Variants in SETBP1 observed in about 807,000 individuals in gnomAD.
SETBP1 encodes the protein SET-binding protein.
A neutral mutation model predicts 101.0 loss-of-function variants in SETBP1; 9 were observed. The ratio of observed to expected loss-of-function variants is 0.09; its 90% CI spans 0.05 to 0.16. The LOEUF is 0.16. Ranked by LOEUF, SETBP1 falls within the 10% of genes least tolerant of loss-of-function variation. The pLI, the probability that SETBP1 is intolerant of heterozygous loss-of-function variation, is 1.00. For synonymous variants in SETBP1, 818 were observed against 788.5 expected (o/e 1.04, Z -0.63); for missense variants, 1,858 against 2,033.8 (o/e 0.91, Z 1.66).
At chr18:44,867,026 A>G (rs1335750249) in intron 2 of SETBP1, among the ~76,000 whole-genome samples, 1 of 152,230 alleles carries the variant, frequency 6.6e-6, no homozygotes, top group Non-Finnish European at 1.5e-5. Context: ...AGGAAAAAGC[A>G]TGAGCTTTGG....
intron 2 of SETBP1, among the ~76,000 whole-genome samples, chr18:44,788,362 T>A (rs1026393984): frequency 6.6e-6 from 1 of 152,166 alleles, no homozygotes; most frequent in Admixed American, 6.5e-5. Context: ...CATTTGCAAA[T>A]TAATATGTCA....
chr18:44,770,208 T>C (rs1301922409), intron 2 of SETBP1, among the ~76,000 whole-genome samples: 3 of 152,276 alleles, frequency 2.0e-5, no homozygotes, highest in East Asian at 3.9e-4. Context: ...GTGGAAGCAA[T>C]TGAAAAGAGA....
rs554199948 is a variant in SETBP1 at position 44,820,024 on chromosome 18, G to A, written c.487-49206G>A. Among the ~76,000 whole-genome samples the A allele has an allele frequency of 4.6e-5, 7 of 152,352 alleles. No homozygotes were observed. The South Asian group carries it at 1.4e-3, about 32-fold the overall frequency. ...TGGAAGGAACAGACAACTGGAAGTTGTACTAGGCTTGCCTGTCCTGGCAGC... is the reference window on the plus strand; with the variant it reads ...TGGAAGGAACAGACAACTGGAAGTTATACTAGGCTTGCCTGTCCTGGCAGC... On this transcript the variant is annotated intron_variant, in intron 2 of 5. Coordinates refer to ENST00000649279, the MANE Select transcript of SETBP1 (RefSeq NM_015559.3).
chr18:45,020,097 T>C (rs932793029), intron 4 of SETBP1, among the ~76,000 whole-genome samples: 3 of 151,710 alleles, frequency 2.0e-5, no homozygotes, highest in East Asian at 3.9e-4. Context: ...ATATAATCGT[T>C]TGGTCTTCAG....
At chr18:44,833,815 A>G (rs985064374) in intron 2 of SETBP1, among the ~76,000 whole-genome samples, 1 of 152,246 alleles carries the variant, frequency 6.6e-6, no homozygotes, top group Non-Finnish European at 1.5e-5. Context: ...GGAAAAGATA[A>G]AGGATCTTTT....
At position 44,950,722 on chromosome 18, in the gene SETBP1, A is replaced by G. The variant is rs777352992; in HGVS notation, c.1382A>G (p.Asp461Gly). 13 of 1,614,004 alleles carry G rather than the reference A, an allele frequency of 8.1e-6. No individual in the cohort carries two copies. The Admixed American group carries it at 2.2e-4, about 27-fold the overall frequency. Residue 461 changes from aspartate (D) to glycine (G), a missense_variant, in exon 4 of 6, where the codon GAT (aspartate) becomes GGT (glycine). Coordinates refer to ENST00000649279, the MANE Select transcript of SETBP1 (RefSeq NM_015559.3). The stretch of plus-strand genomic sequence containing the variant: ...TCCAACTCTGAGGGGAATAAGAAGG[A>G]TCCCCGTGTCCCTAAGTTGAGTAAA... ...ILSNSEGNKK[D>G]PRVPKLSKMI...
At chr18:44,866,397 G>T (rs1419038271) in intron 2 of SETBP1, among the ~76,000 whole-genome samples, 3 of 152,164 alleles carry the variant, frequency 2.0e-5, no homozygotes, top group African/African-American at 7.2e-5. Context: ...TCACCTCTGG[G>T]CTGACAATAT....
chr18:44,967,318 G>A (rs934067843), intron 4 of SETBP1, among the ~76,000 whole-genome samples: 4 of 152,310 alleles, frequency 2.6e-5, no homozygotes, highest in South Asian at 2.1e-4. Flanking sequence ...CCTTGGCATC[G>A]GGACTGTCAC....
chr18:45,007,207 A>G (rs942940171), intron 4 of SETBP1, among the ~76,000 whole-genome samples: 1 of 152,146 alleles, frequency 6.6e-6, no homozygotes, highest in Non-Finnish European at 1.5e-5. Flanking sequence ...TCAGTTTCCA[A>G]TTCCAGCCAC....
At chr18:44,814,521 A>G (rs2071934961) in intron 2 of SETBP1, among the ~76,000 whole-genome samples, 1 of 152,254 alleles carries the variant, frequency 6.6e-6, no homozygotes, top group African/African-American at 2.4e-5. Flanking sequence ...AATGACGGCA[A>G]ATTTTAGGTG....
chr18:44,952,645 A>G lies in SETBP1; in HGVS notation c.3305A>G (p.Lys1102Arg). 1.2e-6 allele frequency: 2 copies of G among 1,613,964 alleles called. No individual in the cohort carries two copies. Among genetic ancestry groups the G allele is most frequent in the Non-Finnish European group, 1.7e-6 (2 of 1,179,890 alleles). Residue 1102 changes from lysine to arginine, a missense_variant, in exon 4 of 6, where the codon AAG becomes AGG. Around this residue, in one of 12 missense-constraint regions of SETBP1, gnomAD observed 255 missense variants for 300.1 expected, o/e 0.85. Transcript: ENST00000649279. ...PPQFHTNSHV[K>R]MSGAAKHKAK... ...CAGTTCCACACAAACTCCCACGTAAAGATGTCCGGTGCAGCTAAGCATAAA... is the reference window on the plus strand; with the variant it reads ...CAGTTCCACACAAACTCCCACGTAAGGATGTCCGGTGCAGCTAAGCATAAA...
At chr18:44,842,529 T>G (rs778204602) in intron 2 of SETBP1, among the ~76,000 whole-genome samples, 13 of 152,226 alleles carry the variant, frequency 8.5e-5, no homozygotes, top group Non-Finnish European at 1.5e-4. Context: ...GGCATCAATC[T>G]GGTGCCTTCC....
At chr18:44,986,525 T>G (rs1396658995) in intron 4 of SETBP1, 2 of 152,242 alleles carry the variant, frequency 1.3e-5, no homozygotes, top group Admixed American at 1.3e-4. Flanking sequence ...TGTTTTTAAC[T>G]TTTTCACTTT....
At chr18:44,853,531 G>A (rs1318991790) in intron 2 of SETBP1, among the ~76,000 whole-genome samples, 1 of 152,106 alleles carries the variant, frequency 6.6e-6, no homozygotes, top group Non-Finnish European at 1.5e-5. Context: ...ACCTTTTATG[G>A]ATGATAAACA....
In SETBP1 at chr18:44,773,585, A is replaced by G. The variant is rs996794106; in HGVS notation, c.486+71753A>G. Among the ~76,000 whole-genome samples, 150 of 152,292 alleles carry G rather than the reference A, an allele frequency of 9.8e-4. 1 individual carries two copies. Among genetic ancestry groups the G allele is most frequent in the African/African-American group, 3.5e-3 (146 of 41,542 alleles). On this transcript the variant is annotated intron_variant, in intron 2 of 5. Coordinates refer to ENST00000649279, the MANE Select transcript of SETBP1 (RefSeq NM_015559.3). Reference sequence around the variant, plus strand: ...CAAACTGTCTTCTTGCTCCTAGAATATAGAGAAGTGGTAGTGGGATATTAG... The same window carrying G: ...CAAACTGTCTTCTTGCTCCTAGAATGTAGAGAAGTGGTAGTGGGATATTAG...
chr18:44,716,365 T>C (rs2069464282), intron 2 of SETBP1, among the ~76,000 whole-genome samples: 1 of 152,072 alleles, frequency 6.6e-6, no homozygotes, highest in Non-Finnish European at 1.5e-5. Flanking sequence ...AAAAATTAAA[T>C]CCACCACTGA....
chr18:44,970,222 G>A (rs926016908), intron 4 of SETBP1: 2 of 154,738 alleles, frequency 1.3e-5, no homozygotes, highest in African/African-American at 4.8e-5. Context: ...AAGGAAATGG[G>A]AAAAGAAAGA....
intron 2 of SETBP1, among the ~76,000 whole-genome samples, chr18:44,709,207 C>A (rs1388170932): frequency 6.6e-6 from 1 of 152,076 alleles, no homozygotes; most frequent in Non-Finnish European, 1.5e-5. Flanking sequence ...TGGACCCCCC[C>A]AAGGAAGGTT....
chr18:45,059,310 T>C lies in SETBP1; in HGVS notation c.4172-3769T>C, dbSNP rs2073855918. On this transcript the variant is annotated intron_variant, in intron 5 of 5. Transcript: ENST00000649279. ...GTATGCATTTCTAAAAGATAGGTACTCAAAAAGCATAATCACAATGCAAAT... is the reference window on the plus strand; with the variant it reads ...GTATGCATTTCTAAAAGATAGGTACCCAAAAAGCATAATCACAATGCAAAT... Among the ~76,000 whole-genome samples, 5 of 152,318 alleles carry C rather than the reference T, an allele frequency of 3.3e-5. No homozygotes were observed. The South Asian group carries it at 1.0e-3, about 32-fold the overall frequency.
Sources: allele counts gnomAD v4.1 joint callset (sites outside exome capture counted in the v4.1 genomes callset), GRCh38; gene constraint gnomAD v4.1.1; regional missense constraint gnomAD v4.1.1; transcripts MANE v1.5; gene names NCBI Gene and HGNC (gene_info 2026-07-23, HGNC 2026-07-21).